The following ANKS1B variants were observed in gnomAD, a reference collection of about 807,000 sequenced individuals.
The protein encoded by ANKS1B is ankyrin repeat and sterile alpha motif domain-containing protein 1B.
A neutral mutation model predicts 148.3 loss-of-function variants in ANKS1B; 36 were observed. The ratio of observed to expected loss-of-function variants is 0.24; its 90% confidence interval spans 0.19 to 0.32. The LOEUF is 0.32. ANKS1B is among the 10% of genes least tolerant of loss of function. ANKS1B has a pLI of 1.00. For missense variants in ANKS1B, 1,157 were observed against 1,542.6 expected, an observed-to-expected ratio of 0.75 and a Z score of 4.19; for synonymous variants, 542 against 560.8, an observed-to-expected ratio of 0.97 and a Z score of 0.47.
chr12:98,838,293 A>G (rs976254397), intron 17 of ANKS1B, among the ~76,000 whole-genome samples: 3 of 152,234 alleles, frequency 2.0e-5, no homozygotes, highest in African/African-American at 7.2e-5. Flanking sequence ...CACAGCATAG[A>G]AAACACCAAA....
intron 12 of ANKS1B, among the ~76,000 whole-genome samples, chr12:99,268,695 C>A (rs1412061873): frequency 6.6e-6 from 1 of 152,164 alleles, no homozygotes; most frequent in Non-Finnish European, 1.5e-5. Flanking sequence ...GCATAATTTC[C>A]TTTTTTATTC....
At chr12:99,592,365 G>A (rs926906780) in intron 9 of ANKS1B, among the ~76,000 whole-genome samples, 27 of 151,908 alleles carry the variant, frequency 1.8e-4, no homozygotes, top group African/African-American at 6.5e-4. Flanking sequence ...CAAAGCACAA[G>A]TGGAAGGAAA....
intron 1 of ANKS1B, among the ~76,000 whole-genome samples, chr12:99,840,664 C>G (rs1451044150): frequency 1.3e-5 from 2 of 152,022 alleles, no homozygotes; most frequent in African/African-American, 4.8e-5. Context: ...GGAAGGACTG[C>G]GAGATTTCTG....
At chr12:98,780,016 G>A (rs924645724) in intron 24 of ANKS1B, among the ~76,000 whole-genome samples, 2 of 152,186 alleles carry the variant, frequency 1.3e-5, no homozygotes, top group South Asian at 2.1e-4. Flanking sequence ...AATCTCTTTC[G>A]TCACAGAAAA....
At chr12:99,522,184 A>G (rs746734894) in intron 9 of ANKS1B, among the ~76,000 whole-genome samples, 2 of 152,128 alleles carry the variant, frequency 1.3e-5, no homozygotes, top group Non-Finnish European at 2.9e-5. Context: ...AATTTTTACA[A>G]TAGTAGCAGG....
chr12:99,325,757 G>A (rs990186731), intron 12 of ANKS1B, among the ~76,000 whole-genome samples: 24 of 152,176 alleles, frequency 1.6e-4, no homozygotes, highest in African/African-American at 2.4e-4. Flanking sequence ...TTATCAGTAC[G>A]ATCCTAAAGA....
chr12:99,910,172 T>C (rs986206322), intron 1 of ANKS1B, among the ~76,000 whole-genome samples: 2 of 151,916 alleles, frequency 1.3e-5, no homozygotes, highest in Admixed American at 6.6e-5. Context: ...CTGGCCAACA[T>C]GGGGAAACCC....
chr12:98,792,991 T>G (rs1233803207), intron 22 of ANKS1B, among the ~76,000 whole-genome samples: 1 of 152,198 alleles, frequency 6.6e-6, no homozygotes, highest in African/African-American at 2.4e-5. Context: ...AATAGTGGGA[T>G]TGCTGGATAA....
At chr12:99,885,544 C>T (rs900214906) in intron 1 of ANKS1B, among the ~76,000 whole-genome samples, 1 of 152,108 alleles carries the variant, frequency 6.6e-6, no homozygotes, top group African/African-American at 2.4e-5. Flanking sequence ...ACCTCGTGAT[C>T]CGCCCGCCTG....
intron 17 of ANKS1B, among the ~76,000 whole-genome samples, chr12:99,043,822 C>T (rs1399963491): frequency 2.0e-5 from 3 of 152,168 alleles, no homozygotes; most frequent in South Asian, 4.1e-4. Flanking sequence ...ATACACCTAC[C>T]TCAGTGATAG....
intron 1 of ANKS1B, among the ~76,000 whole-genome samples, chr12:99,860,737 G>C (rs1263874668): frequency 2.0e-5 from 3 of 152,088 alleles, no homozygotes; most frequent in Non-Finnish European, 4.4e-5. Context: ...AAGTCTAATG[G>C]GTAAAATAAC....
rs138087218 is a variant in ANKS1B, at chr12:99,303,274, T to C, written c.1757-56410A>G. Among the ~76,000 whole-genome samples, 91 of 152,296 alleles carry C rather than the reference T, an allele frequency of 6.0e-4. 2 individuals are homozygous for C. The East Asian group carries it at 0.015, about 26-fold the overall frequency. ...ACACATCATAGATGAAATGCAAGTT[T>C]GGTCAGTAAATTGGCCATCTGTTCC... is the stretch of plus-strand genomic sequence containing the variant. On this transcript the variant is annotated intron_variant, in intron 12 of 26. Coordinates refer to ENST00000683438, the MANE Select transcript of ANKS1B (RefSeq NM_001352186.2).
intron 19 of ANKS1B, among the ~76,000 whole-genome samples, chr12:98,822,679 C>T (rs2099207850): frequency 6.6e-6 from 1 of 152,172 alleles, no homozygotes; most frequent in African/African-American, 2.4e-5. Flanking sequence ...TAAGCACCAG[C>T]ACATGGAGAC....
At chr12:99,379,254 A>G (rs78240657) in intron 12 of ANKS1B, among the ~76,000 whole-genome samples, 2,550 of 152,328 alleles carry the variant, frequency 0.017, 74 homozygotes, top group African/African-American at 0.058. Flanking sequence ...CAAATGTGAT[A>G]TAAAGAGATA....
chr12:99,603,019 A>G (rs1419337799), intron 9 of ANKS1B, among the ~76,000 whole-genome samples: 1 of 151,952 alleles, frequency 6.6e-6, no homozygotes, highest in African/African-American at 2.4e-5. Flanking sequence ...TCTCCTGATT[A>G]TTTACATAAA....
chr12:99,777,653 CG>C (rs1487922140), intron 6 of ANKS1B, among the ~76,000 whole-genome samples: 1 of 152,020 alleles, frequency 6.6e-6, no homozygotes, highest in Non-Finnish European at 1.5e-5. Flanking sequence ...GGCGCGATCT[CG>C]GCTCACTGCA....
At chr12:99,358,598 C>A (rs980344845) in intron 12 of ANKS1B, among the ~76,000 whole-genome samples, 3 of 152,170 alleles carry the variant, frequency 2.0e-5, no homozygotes, top group African/African-American at 7.2e-5. Context: ...ACTAGTACCA[C>A]AGTTTTTAAC....
intron 24 of ANKS1B, among the ~76,000 whole-genome samples, chr12:98,773,449 G>A (rs983756885): frequency 9.2e-5 from 14 of 151,984 alleles, no homozygotes; most frequent in African/African-American, 3.1e-4. Flanking sequence ...TCTGGGTGGC[G>A]GCCACTTTTT....
chr12:99,877,095 C>T (rs966116568), intron 1 of ANKS1B, among the ~76,000 whole-genome samples: 1 of 152,086 alleles, frequency 6.6e-6, no homozygotes, highest in African/African-American at 2.4e-5. Flanking sequence ...CCACTTCACC[C>T]CCCCACCCCA....
Sources: allele counts gnomAD v4.1 joint callset (sites outside exome capture counted in the v4.1 genomes callset), GRCh38; gene constraint gnomAD v4.1.1; transcripts MANE v1.5; gene names NCBI Gene and HGNC (gene_info 2026-07-23, HGNC 2026-07-21).